The following SRPK2 variants were observed in gnomAD, a reference collection of about 807,000 sequenced individuals.
SRPK2 encodes the protein SRSF protein kinase 2.
Under a neutral mutation model 90.8 loss-of-function variants are expected in SRPK2, and 21 were observed. The observed-to-expected ratio is 0.23, with a 90% CI of 0.16 to 0.33. SRPK2 has a LOEUF of 0.33. Ranked by LOEUF, SRPK2 falls within the 10% of genes least tolerant of loss-of-function variation. The pLI, the probability that SRPK2 is intolerant of heterozygous loss-of-function variation, is 1.00. For synonymous variants in SRPK2, 288 were observed against 311.1 expected (o/e 0.93, Z 0.78); for missense variants, 620 against 869.0 (o/e 0.71, Z 3.60).
chr7:105,115,208 G>C (rs1326329653), downstream of SRPK2: 1 of 152,130 alleles, frequency 6.6e-6, no homozygotes, highest in Non-Finnish European at 1.5e-5. Flanking sequence ...GGAGAAAAAA[G>C]GAGAATTTAG....
At chr7:105,115,598 GCA>G (rs1488278019), downstream of SRPK2, 1 of 152,148 alleles carries the variant, frequency 6.6e-6, no homozygotes, top group East Asian at 1.9e-4. Flanking sequence ...TAGTTTTTGT[GCA>G]TTCTTTATCA....
chr7:105,253,430 G>A lies in SRPK2; in HGVS notation c.72-49645C>T, dbSNP rs752868781. Among the ~76,000 whole-genome samples, 14 of 152,118 alleles carry A rather than the reference G, an allele frequency of 9.2e-5. No individual in the cohort carries two copies. The South Asian group carries it at 1.2e-3, about 14-fold the overall frequency. ...AACATCCTTGCTAAAACCTTTCAAT[G>A]GCTCTTGGTAAACATCAGCATAAAA... is the stretch of plus-strand genomic sequence containing the variant. On this transcript the variant is annotated intron_variant, in intron 2 of 15. Transcript: ENST00000393651.
chr7:105,176,749 ATG>A (rs10607750), intron 3 of SRPK2, among the ~76,000 whole-genome samples: 127,361 of 144,312 alleles, frequency 0.88, 56,181 homozygotes, highest in South Asian at 0.94. Flanking sequence ...ATGTGTGTAT[ATG>A]TGTGTGTGTG....
intron 2 of SRPK2, among the ~76,000 whole-genome samples, chr7:105,245,781 C>A (rs181685114): frequency 2.0e-5 from 3 of 152,164 alleles, no homozygotes; most frequent in Non-Finnish European, 4.4e-5. Flanking sequence ...TTCACAGGCA[C>A]AATCTTCATG....
intron 11 of SRPK2, among the ~76,000 whole-genome samples, chr7:105,139,759 T>C (rs959048611): frequency 2.0e-5 from 3 of 152,218 alleles, no homozygotes; most frequent in African/African-American, 7.2e-5. Context: ...ACCTGTTTTA[T>C]TTAATTCAGT....
At chr7:105,183,174 CTTTT>C in intron 3 of SRPK2, among the ~76,000 whole-genome samples, 1 of 152,212 alleles carries the variant, frequency 6.6e-6, no homozygotes, top group East Asian at 1.9e-4. Flanking sequence ...GACTAATCAT[CTTTT>C]TTTGTCATTT....
rs190514260 is a variant in SRPK2 at position 105,380,051 on chromosome 7, G to A, written c.71+8597C>T. ...CAGCTACTTGGGAGGCTTAGGTGGG[G>A]TATCACCCAAACCCAAGAGGGTGAA... On this transcript the variant is annotated intron_variant, in intron 2 of 15. Coordinates refer to ENST00000393651, the MANE Select transcript of SRPK2 (RefSeq NM_182692.3). 2.5e-3 allele frequency among the ~76,000 whole-genome samples: 384 copies of A among 152,302 alleles called. 2 individuals are homozygous for A. The highest frequency in any genetic ancestry group is 0.018 in the South Asian group (88 of 4,828).
In SRPK2 at chr7:105,248,868, A is replaced by G. The variant is rs148877317; in HGVS notation, c.72-45083T>C. On this transcript the variant is annotated intron_variant, in intron 2 of 15. Transcript: ENST00000393651. ...GTGAACCCGGGAGGCAGAGCTTGCAATGAGCCGAGATCGTGCCACTGCACT... is the reference window on the plus strand; with the variant it reads ...GTGAACCCGGGAGGCAGAGCTTGCAGTGAGCCGAGATCGTGCCACTGCACT... 2.8e-3 allele frequency among the ~76,000 whole-genome samples: 422 copies of G among 151,140 alleles called. 11 individuals are homozygous for G. In the East Asian group the frequency reaches 0.055, roughly 20 times the overall value.
chr7:105,305,551 G>A (rs1428683084), intron 2 of SRPK2, among the ~76,000 whole-genome samples: 1 of 152,058 alleles, frequency 6.6e-6, no homozygotes. Flanking sequence ...ATCTATGTTC[G>A]CTTCTTCATT....
chr7:105,331,337 A>C lies in SRPK2; in HGVS notation c.71+57311T>G, dbSNP rs867787153. Among the ~76,000 whole-genome samples the C allele has an allele frequency of 7.4e-4, 105 of 141,918 alleles. 1 individual carries two copies. The highest frequency in any genetic ancestry group is 3.5e-3 in the Middle Eastern group (1 of 282). 93.1% of individuals were successfully genotyped at this position (141,918 alleles called of 152,430 possible). On this transcript the variant is annotated intron_variant, in intron 2 of 15. Transcript: ENST00000393651. Reference sequence around the variant, plus strand: ...AAAAAAAAAAAAAAAAAAAAAAAAAACAAATAGTTATTACACAATTAATCT... The same window carrying C: ...AAAAAAAAAAAAAAAAAAAAAAAAACCAAATAGTTATTACACAATTAATCT...
intron 2 of SRPK2, among the ~76,000 whole-genome samples, chr7:105,249,986 T>A (rs1368944214): frequency 6.6e-6 from 1 of 152,188 alleles, no homozygotes; most frequent in Non-Finnish European, 1.5e-5. Flanking sequence ...CATGTGCCTC[T>A]CAAAGCATGA....
At chr7:105,121,437 C>A (rs1239699690) in intron 15 of SRPK2, among the ~76,000 whole-genome samples, 3 of 151,294 alleles carry the variant, frequency 2.0e-5, no homozygotes, top group African/African-American at 7.3e-5. Flanking sequence ...ACAAGTTTTG[C>A]AAATAACTAG....
upstream of SRPK2, among the ~76,000 whole-genome samples, chr7:105,393,054 C>T (rs1270604153): frequency 1.3e-5 from 2 of 150,234 alleles, no homozygotes; most frequent in East Asian, 3.9e-4. Context: ...AGTGCAGTGG[C>T]GCGATCTTGG....
chr7:105,364,148 T>C (rs192511702), intron 2 of SRPK2, among the ~76,000 whole-genome samples: 4 of 152,022 alleles, frequency 2.6e-5, no homozygotes, highest in Admixed American at 2.6e-4. Flanking sequence ...CAAACCTGCA[T>C]GCTGTGCACA....
At chr7:105,265,483 C>T (rs1364907696) in intron 2 of SRPK2, among the ~76,000 whole-genome samples, 1 of 152,074 alleles carries the variant, frequency 6.6e-6, no homozygotes, top group Non-Finnish European at 1.5e-5. Context: ...CCCTTGGACA[C>T]CAAGGGACAA....
intron 2 of SRPK2, among the ~76,000 whole-genome samples, chr7:105,289,408 A>C (rs1808647701): frequency 6.6e-6 from 1 of 152,202 alleles, no homozygotes; most frequent in Non-Finnish European, 1.5e-5. Context: ...ATTCCAGACC[A>C]CCTCAATAAA....
At chr7:105,178,665 T>C (rs1159711989) in intron 3 of SRPK2, among the ~76,000 whole-genome samples, 2 of 151,770 alleles carry the variant, frequency 1.3e-5, no homozygotes, top group Admixed American at 6.6e-5. Context: ...TTCCAAAATT[T>C]AAAAAATTTT....
At chr7:105,149,550 C>T (rs1562990878) in intron 7 of SRPK2, among the ~76,000 whole-genome samples, 1 of 152,160 alleles carries the variant, frequency 6.6e-6, no homozygotes, top group Non-Finnish European at 1.5e-5. Flanking sequence ...GCGCCAGTCC[C>T]CTGGGCCCAC....
chr7:105,336,948 C>A (rs1179205562), intron 2 of SRPK2, among the ~76,000 whole-genome samples: 1 of 151,836 alleles, frequency 6.6e-6, no homozygotes, highest in Non-Finnish European at 1.5e-5. Flanking sequence ...ATTACAGGCA[C>A]CCGCCACCAC....
Sources: allele counts gnomAD v4.1 joint callset (sites outside exome capture counted in the v4.1 genomes callset), GRCh38; gene constraint gnomAD v4.1.1; transcripts MANE v1.5; gene names NCBI Gene and HGNC (gene_info 2026-07-23, HGNC 2026-07-21).